The following GULP1 variants were observed in gnomAD, a reference collection of about 807,000 sequenced individuals.
The protein encoded by GULP1 is GULP PTB domain containing engulfment adaptor 1, also known as PTB domain-containing engulfment adapter protein 1.
In GULP1, 19 loss-of-function variants were observed where a neutral mutation model predicts 40.9. The ratio of observed to expected loss-of-function variants is 0.46; its 90% CI spans 0.32 to 0.68. The LOEUF (loss-of-function observed/expected upper bound fraction) is 0.68, where lower values mean the gene tolerates loss of function less well. Among genes scored for constraint, GULP1 ranks in the 30% least tolerant of loss-of-function variants. GULP1 has a pLI of 0.03. For synonymous variants in GULP1, 119 were observed against 117.6 expected (o/e 1.01, Z -0.08); for missense variants, 312 against 362.2 (o/e 0.86, Z 1.12).
At chr2:188,388,955 A>G (rs1010980033) in intron 2 of GULP1, among the ~76,000 whole-genome samples, 4 of 152,258 alleles carry the variant, frequency 2.6e-5, no homozygotes, top group Admixed American at 6.5e-5. Flanking sequence ...CAATGTTTCT[A>G]AATTTTTAAA....
At chr2:188,340,420 G>A (rs538833472) in intron 1 of GULP1, among the ~76,000 whole-genome samples, 11 of 152,238 alleles carry the variant, frequency 7.2e-5, no homozygotes, top group African/African-American at 2.6e-4. Flanking sequence ...CCTCGCGGGA[G>A]GGGGAGATGC....
chr2:188,534,794 T>C (rs931936761), intron 6 of GULP1, among the ~76,000 whole-genome samples: 1 of 152,064 alleles, frequency 6.6e-6, no homozygotes, highest in Admixed American at 6.6e-5. Flanking sequence ...GACAACCTAT[T>C]ATATAATTCT....
chr2:188,321,600 T>C (rs1407783322), intron 1 of GULP1, among the ~76,000 whole-genome samples: 1 of 152,190 alleles, frequency 6.6e-6, no homozygotes, highest in Non-Finnish European at 1.5e-5. Flanking sequence ...TGTATAGATG[T>C]ATTTTTATTG....
intron 1 of GULP1, among the ~76,000 whole-genome samples, chr2:188,352,142 C>T (rs771867509): frequency 2.0e-5 from 3 of 152,074 alleles, no homozygotes; most frequent in South Asian, 2.1e-4. Context: ...GACTAGGTCA[C>T]GGTGTGCCTA....
At chr2:188,499,673 A>G (rs886173949) in intron 4 of GULP1, among the ~76,000 whole-genome samples, 1 of 151,816 alleles carries the variant, frequency 6.6e-6, no homozygotes, top group African/African-American at 2.4e-5. Context: ...TATGCAGGTA[A>G]TGTTCTTTTC....
rs1255440639 is a variant in GULP1 at position 188,595,368 on chromosome 2, AAGGT to A, written c.*1359_*1362del. 1 of 152,130 alleles carries A rather than the reference AAGGT, an allele frequency of 6.6e-6. No individual in the cohort carries two copies. The highest frequency in any genetic ancestry group is 1.5e-5 in the Non-Finnish European group (1 of 67,732). The allele number at this position is 152,130 out of a possible 1,614,324, so 9.4% of individuals were successfully genotyped here. On this transcript the variant is annotated 3_prime_UTR_variant, in exon 12 of 12. Transcript: ENST00000409830. ...TCATTGGAATTTTCTTCAAGTGTTA[AAGGT>A]ACATTTTCACTAGGAAAAGAAATCA...
intron 1 of GULP1, among the ~76,000 whole-genome samples, chr2:188,356,006 A>G (rs1417134844): frequency 6.6e-6 from 1 of 152,136 alleles, no homozygotes; most frequent in Non-Finnish European, 1.5e-5. Flanking sequence ...AAAAACTCTC[A>G]ACAAATTATG....
chr2:188,517,797 A>C (rs1232923457), intron 4 of GULP1, among the ~76,000 whole-genome samples: 1 of 152,034 alleles, frequency 6.6e-6, no homozygotes, highest in Non-Finnish European at 1.5e-5. Context: ...AGCCAGGCTG[A>C]GAAAAGAGTC....
At chr2:188,375,405 A>T (rs1005204672) in intron 1 of GULP1, among the ~76,000 whole-genome samples, 3 of 152,222 alleles carry the variant, frequency 2.0e-5, no homozygotes, top group Non-Finnish European at 4.4e-5. Context: ...ACTCCACAGG[A>T]CTGGAAAAAT....
intron 2 of GULP1, among the ~76,000 whole-genome samples, chr2:188,426,906 A>G (rs2056268538): frequency 6.6e-6 from 1 of 152,198 alleles, no homozygotes; most frequent in African/African-American, 2.4e-5. Flanking sequence ...GACTTATTAA[A>G]TTGTTGTGAC....
chr2:188,475,149 G>A (rs1364683932), intron 2 of GULP1, among the ~76,000 whole-genome samples: 1 of 152,124 alleles, frequency 6.6e-6, no homozygotes, highest in African/African-American at 2.4e-5. Context: ...GGAGTTGTAA[G>A]ACGTGTTTTA....
At chr2:188,497,152 A>G (rs942101637) in intron 4 of GULP1, among the ~76,000 whole-genome samples, 1 of 152,072 alleles carries the variant, frequency 6.6e-6, no homozygotes, top group Admixed American at 6.6e-5. Flanking sequence ...GAAAAAACGT[A>G]TAGCAGAATT....
At chr2:188,472,198 C>T (rs76148554) in intron 2 of GULP1, among the ~76,000 whole-genome samples, 3,239 of 152,072 alleles carry the variant, frequency 0.021, 105 homozygotes, top group African/African-American at 0.074. Context: ...ATTTTAGCAT[C>T]TTTTCTTTAT....
At position 188,347,079 on chromosome 2, in the gene GULP1, G is replaced by A. The variant is rs116553791; in HGVS notation, c.-171-36684G>A. ...CGATTCACAACATCACTGATCCATAGGCAGAGGAGGTATTGCTATTATTTT... is the reference window on the plus strand; with the variant it reads ...CGATTCACAACATCACTGATCCATAAGCAGAGGAGGTATTGCTATTATTTT... On this transcript the variant is annotated intron_variant, in intron 1 of 11. Coordinates refer to ENST00000409830, the MANE Select transcript of GULP1 (RefSeq NM_016315.4). Among the ~76,000 whole-genome samples the A allele has an allele frequency of 4.2e-3, 635 of 152,158 alleles. 7 individuals carry two copies. Among genetic ancestry groups the A allele is most frequent in the African/African-American group, 0.015 (610 of 41,516 alleles).
At chr2:188,579,366 A>G (rs1700807333) in intron 9 of GULP1, among the ~76,000 whole-genome samples, 1 of 151,894 alleles carries the variant, frequency 6.6e-6, no homozygotes, top group African/African-American at 2.4e-5. Flanking sequence ...TATGTAATCT[A>G]TTTTTATATA....
At chr2:188,363,902 C>T (rs2046407138) in intron 1 of GULP1, among the ~76,000 whole-genome samples, 1 of 152,098 alleles carries the variant, frequency 6.6e-6, no homozygotes, top group African/African-American at 2.4e-5. Flanking sequence ...GTAGTCCCTG[C>T]TGATCATACT....
At chr2:188,296,824 A>G (rs1233124787) in intron 1 of GULP1, among the ~76,000 whole-genome samples, 9 of 152,018 alleles carry the variant, frequency 5.9e-5, no homozygotes, top group East Asian at 1.9e-4. Flanking sequence ...AAATGTACCT[A>G]TACATCAGCT....
intron 7 of GULP1, among the ~76,000 whole-genome samples, chr2:188,554,468 T>C (rs554352058): frequency 6.6e-6 from 1 of 152,052 alleles, no homozygotes; most frequent in South Asian, 2.1e-4. Flanking sequence ...CTTATTAGTA[T>C]TGATTTATTT....
At chr2:188,581,108 C>T (rs1166292125) in intron 9 of GULP1, among the ~76,000 whole-genome samples, 1 of 152,166 alleles carries the variant, frequency 6.6e-6, no homozygotes, top group African/African-American at 2.4e-5. Context: ...TGCATATCTG[C>T]ATTTATAGCC....
Sources: allele counts gnomAD v4.1 joint callset (sites outside exome capture counted in the v4.1 genomes callset), GRCh38; gene constraint gnomAD v4.1.1; transcripts MANE v1.5; gene names NCBI Gene and HGNC (gene_info 2026-07-23, HGNC 2026-07-21).